TTC39B: variants seen among roughly 807,000 people sequenced by gnomAD.
TTC39B encodes the protein tetratricopeptide repeat protein 39B.
A neutral mutation model predicts 96.6 loss-of-function variants in TTC39B; 92 were observed. The observed-to-expected ratio is 0.95, with a 90% confidence interval of 0.80 to 1.13. The LOEUF is 1.13. Ranked by LOEUF, TTC39B falls within the 50% of genes most tolerant of loss-of-function variation. The pLI is 0.00. For synonymous variants in TTC39B, 367 were observed against 299.4 expected (o/e 1.23, Z -2.33); for missense variants, 955 against 809.3 (o/e 1.18, Z -2.18).
At chr9:15,285,000 A>G (rs942608985) in intron 1 of TTC39B, among the ~76,000 whole-genome samples, 20 of 152,264 alleles carry the variant, frequency 1.3e-4, no homozygotes, top group African/African-American at 3.9e-4. Flanking sequence ...GGTGGCTCAC[A>G]CCTGTAATCC....
At chr9:15,181,253 C>G (rs1009692956) in intron 17 of TTC39B, among the ~76,000 whole-genome samples, 1 of 152,104 alleles carries the variant, frequency 6.6e-6, no homozygotes, top group African/African-American at 2.4e-5. Context: ...AATTTCTATG[C>G]CCTTTACCAT....
chr9:15,169,312 A>T (rs1171038507), exon 20 of TTC39B: 1 of 152,232 alleles, frequency 6.6e-6, no homozygotes. Flanking sequence ...ATATATGTCC[A>T]GATAAGAGCT....
chr9:15,184,746 C>T (rs1818429009), intron 16 of TTC39B, among the ~76,000 whole-genome samples: 1 of 152,146 alleles, frequency 6.6e-6, no homozygotes, highest in Non-Finnish European at 1.5e-5. Flanking sequence ...GTGTAAAAGA[C>T]ACACTAAATT....
At chr9:15,230,890 C>A (rs1013952755) in intron 2 of TTC39B, among the ~76,000 whole-genome samples, 14 of 151,746 alleles carry the variant, frequency 9.2e-5, no homozygotes, top group African/African-American at 3.4e-4. Flanking sequence ...GAGGCTGAGG[C>A]AGGAGAATTG....
chr9:15,214,152 A>C, exon 4 of TTC39B: 1 of 1,613,608 alleles, frequency 6.2e-7, no homozygotes, highest in Non-Finnish European at 8.5e-7. Flanking sequence ...GGGCGAAGCA[A>C]TTCTAAGGCG....
intron 3 of TTC39B, among the ~76,000 whole-genome samples, chr9:15,221,885 A>G (rs994364607): frequency 1.3e-5 from 2 of 152,220 alleles, no homozygotes; most frequent in African/African-American, 4.8e-5. Flanking sequence ...GCATTGTTAC[A>G]TATGGTAACA....
chr9:15,288,702 C>T (rs1444781589), intron 1 of TTC39B, among the ~76,000 whole-genome samples: 2 of 152,240 alleles, frequency 1.3e-5, no homozygotes, highest in Non-Finnish European at 2.9e-5. Context: ...AAGCCATCCA[C>T]GGATGGCAAG....
At chr9:15,230,996 A>T (rs866850094) in intron 2 of TTC39B, among the ~76,000 whole-genome samples, 1 of 151,830 alleles carries the variant, frequency 6.6e-6, no homozygotes, top group East Asian at 1.9e-4. Flanking sequence ...GAAAAAAAAA[A>T]AAACAAACAA....
chr9:15,228,639 T>C (rs907282690), intron 2 of TTC39B, among the ~76,000 whole-genome samples: 3 of 152,204 alleles, frequency 2.0e-5, no homozygotes, highest in African/African-American at 7.2e-5. Flanking sequence ...GTCAAGTATT[T>C]TATTTGTCTT....
At chr9:15,287,714 G>A (rs1824023962) in intron 1 of TTC39B, among the ~76,000 whole-genome samples, 1 of 151,978 alleles carries the variant, frequency 6.6e-6, no homozygotes, top group Admixed American at 6.6e-5. Flanking sequence ...TTTCTGGCTG[G>A]GCGCAGTGGC....
chr9:15,262,379 G>C (rs781474030), intron 2 of TTC39B, among the ~76,000 whole-genome samples: 37 of 152,174 alleles, frequency 2.4e-4, no homozygotes, highest in Non-Finnish European at 4.0e-4. Context: ...GATTACAGGC[G>C]TGAGCCATAG....
At chr9:15,238,431 C>T (rs970230112) in intron 2 of TTC39B, among the ~76,000 whole-genome samples, 1 of 152,178 alleles carries the variant, frequency 6.6e-6, no homozygotes, top group Non-Finnish European at 1.5e-5. Context: ...ATTTGATAAA[C>T]AACTTCAGTA....
intron 16 of TTC39B, among the ~76,000 whole-genome samples, chr9:15,183,848 C>T (rs189835534): frequency 1.2e-3 from 180 of 152,278 alleles, no homozygotes; most frequent in Admixed American, 2.6e-3. Context: ...GACACGATTA[C>T]AGAGTGGTCA....
chr9:15,193,017 G>C (rs897051677), intron 8 of TTC39B, among the ~76,000 whole-genome samples: 1 of 152,218 alleles, frequency 6.6e-6, no homozygotes, highest in African/African-American at 2.4e-5. Context: ...GCATATCACA[G>C]CGGACTCCCT....
intron 8 of TTC39B, among the ~76,000 whole-genome samples, chr9:15,196,202 T>C (rs907759972): frequency 2.0e-5 from 3 of 152,254 alleles, no homozygotes; most frequent in African/African-American, 7.2e-5. Context: ...GCAAGGATTA[T>C]ATTGTTTTCA....
intron 1 of TTC39B, among the ~76,000 whole-genome samples, chr9:15,284,963 A>C (rs753823086): frequency 6.6e-6 from 1 of 152,226 alleles, no homozygotes; most frequent in Non-Finnish European, 1.5e-5. Flanking sequence ...AATTTGTTTT[A>C]TAACTAAGAT....
intron 3 of TTC39B, among the ~76,000 whole-genome samples, chr9:15,214,892 T>C (rs972904520): frequency 6.6e-6 from 1 of 152,200 alleles, no homozygotes; most frequent in African/African-American, 2.4e-5. Context: ...AAATGTTTTG[T>C]GTAACGACTT....
At chr9:15,304,659 C>G (rs1452393936) in intron 1 of TTC39B, among the ~76,000 whole-genome samples, 1 of 151,890 alleles carries the variant, frequency 6.6e-6, no homozygotes, top group Non-Finnish European at 1.5e-5. Flanking sequence ...ACCTCCCCCC[C>G]GACCCCTCTC....
chr9:15,208,601 T>C (rs989542536), intron 6 of TTC39B, among the ~76,000 whole-genome samples: 2 of 152,162 alleles, frequency 1.3e-5, no homozygotes, highest in Non-Finnish European at 2.9e-5. Flanking sequence ...AGATGGAAAA[T>C]ATGCAGACAC....
Sources: allele counts gnomAD v4.1 joint callset (sites outside exome capture counted in the v4.1 genomes callset), GRCh38; gene constraint gnomAD v4.1.1; transcripts MANE v1.5; gene names NCBI Gene and HGNC (gene_info 2026-07-23, HGNC 2026-07-21).